MYRFL: variants seen among roughly 807,000 people sequenced by gnomAD.
MYRFL encodes myelin regulatory factor like.
Under a neutral mutation model 109.4 loss-of-function variants are expected in MYRFL, and 88 were observed. That is an observed-to-expected ratio of 0.80 (90% confidence interval 0.68 to 0.96). The LOEUF (loss-of-function observed/expected upper bound fraction) is 0.96, where lower values mean the gene tolerates loss of function less well. Among genes scored for constraint, MYRFL ranks in the 40% least tolerant of loss-of-function variants. The pLI, the probability that MYRFL is intolerant of heterozygous loss-of-function variation, is 0.00. For synonymous variants in MYRFL, 324 were observed against 320.9 expected, an observed-to-expected ratio of 1.01 and a Z score of -0.10; for missense variants, 957 against 954.9, an observed-to-expected ratio of 1.00 and a Z score of -0.03.
chr12:69,917,383 CTTTTTT>C (rs56118035), intron 13 of MYRFL, among the ~76,000 whole-genome samples: 23,257 of 102,452 alleles, frequency 0.23, 1,919 homozygotes, highest in Middle Eastern at 0.38. Flanking sequence ...TATTCACTGA[CTTTTTT>C]TTTTTTTTTT....
intron 16 of MYRFL, among the ~76,000 whole-genome samples, chr12:69,933,281 T>G (rs1566035938): frequency 6.6e-6 from 1 of 152,326 alleles, no homozygotes; most frequent in East Asian, 1.9e-4. Flanking sequence ...GCTGCTATGA[T>G]TCCCCTCCCC....
intron 19 of MYRFL, among the ~76,000 whole-genome samples, chr12:69,942,688 C>T (rs978490684): frequency 1.6e-4 from 25 of 151,676 alleles, no homozygotes; most frequent in Non-Finnish European, 2.6e-4. Context: ...CTGGCCAGGG[C>T]AATTAGGCAG....
chr12:69,952,552 A>G (rs917866619), intron 20 of MYRFL, among the ~76,000 whole-genome samples: 1 of 152,170 alleles, frequency 6.6e-6, no homozygotes, highest in African/African-American at 2.4e-5. Flanking sequence ...AATTCTTTTG[A>G]ATGTTATAGG....
chr12:69,937,784 G>A (rs1157143188), intron 19 of MYRFL, among the ~76,000 whole-genome samples: 1 of 152,182 alleles, frequency 6.6e-6, no homozygotes, highest in Admixed American at 6.5e-5. Context: ...ATGTTGGGGT[G>A]CAATGTAATT....
chr12:69,853,052 C>T (rs1026128362), intron 1 of MYRFL, among the ~76,000 whole-genome samples: 1 of 152,222 alleles, frequency 6.6e-6, no homozygotes, highest in Admixed American at 6.5e-5. Context: ...TTTTTCTGTT[C>T]GACAAAACCA....
chr12:69,881,127 G>GTTTA (rs1050242000), intron 5 of MYRFL, among the ~76,000 whole-genome samples: 3 of 151,494 alleles, frequency 2.0e-5, no homozygotes, highest in African/African-American at 7.3e-5. Context: ...GTTTCTGTTT[G>GTTTA]TTTGTTTGTT....
intron 1 of MYRFL, among the ~76,000 whole-genome samples, chr12:69,839,367 A>G (rs1055028979): frequency 6.6e-6 from 1 of 152,200 alleles, no homozygotes; most frequent in Non-Finnish European, 1.5e-5. Context: ...CTATTTCCAA[A>G]TGAAGACTAA....
In MYRFL at chr12:69,915,821, C is replaced by G. The variant is rs142137522; in HGVS notation, c.1602+4891C>G. ...GCCTTTTCTGCTTGTTCATCTATCTCTTTATTTGGCAATTTTATTTGTTTC... is the reference window on the plus strand; with the variant it reads ...GCCTTTTCTGCTTGTTCATCTATCTGTTTATTTGGCAATTTTATTTGTTTC... On this transcript the variant is annotated intron_variant, in intron 13 of 24. Coordinates refer to ENST00000552032, the MANE Select transcript of MYRFL (RefSeq NM_182530.3). Among the ~76,000 whole-genome samples the G allele has an allele frequency of 2.8e-3, 432 of 152,008 alleles. 1 individual carries two copies. The highest frequency in any genetic ancestry group is 9.4e-3 in the African/African-American group (390 of 41,454).
In MYRFL at chr12:69,932,434, C is replaced by CTGG. The variant is rs554454624; in HGVS notation, c.1831-78_1831-76dup. The CTGG allele has an allele frequency of 1.8e-4, 163 of 922,186 alleles. No homozygotes were observed. In the East Asian group the frequency reaches 3.8e-3, roughly 21 times the overall value. The allele number at this position is 922,186 out of a possible 1,614,324, so 57.1% of individuals were successfully genotyped here. On this transcript the variant is annotated intron_variant, in intron 15 of 24. Coordinates refer to ENST00000552032, the MANE Select transcript of MYRFL (RefSeq NM_182530.3). ...CCCAAGAGAGCAGCAAATACCCCTG[C>CTGG]TGGGAGCAGTTCTCCAGGCTCCCTT...
At position 69,840,246 on chromosome 12, in the gene MYRFL, A is replaced by G. The variant is rs184873548; in HGVS notation, c.46+14683A>G. Among the ~76,000 whole-genome samples the G allele has an allele frequency of 1.4e-4, 21 of 152,294 alleles. No individual in the cohort carries two copies. In the East Asian group the frequency reaches 3.7e-3, roughly 27 times the overall value. On this transcript the variant is annotated intron_variant, in intron 1 of 24. Coordinates refer to ENST00000552032, the MANE Select transcript of MYRFL (RefSeq NM_182530.3). ...AATGTATGTCCAGTTTGCCTTCTCT[A>G]TATTTTTCCGAATTACAAATAACAT...
chr12:69,862,553 C>G (rs916632980), intron 2 of MYRFL, among the ~76,000 whole-genome samples: 3 of 149,550 alleles, frequency 2.0e-5, no homozygotes, highest in African/African-American at 7.3e-5. Flanking sequence ...CTCCGTTTGT[C>G]TGTTGTTGGT....
At chr12:69,909,539 A>C (rs957861003) in intron 11 of MYRFL, among the ~76,000 whole-genome samples, 2 of 152,282 alleles carry the variant, frequency 1.3e-5, no homozygotes, top group African/African-American at 4.8e-5. Context: ...CTTTTTTGTC[A>C]GATAAAGATA....
At chr12:69,849,313 C>T (rs1424451793) in intron 1 of MYRFL, among the ~76,000 whole-genome samples, 3 of 152,148 alleles carry the variant, frequency 2.0e-5, no homozygotes, top group Non-Finnish European at 4.4e-5. Context: ...TACTATTTTA[C>T]CTTTGATATA....
At chr12:69,943,377 C>T (rs866787713) in intron 19 of MYRFL, among the ~76,000 whole-genome samples, 131 of 146,246 alleles carry the variant, frequency 9.0e-4, no homozygotes, top group African/African-American at 3.1e-3. Context: ...GAAATAACGC[C>T]GCATATCTAC....
intron 13 of MYRFL, among the ~76,000 whole-genome samples, chr12:69,912,349 A>G (rs1227937777): frequency 6.6e-6 from 1 of 152,218 alleles, no homozygotes; most frequent in Non-Finnish European, 1.5e-5. Flanking sequence ...ATTTTTAAGC[A>G]TACAAGTCAT....
intron 11 of MYRFL, chr12:69,904,074 G>A (rs1465317145): frequency 6.7e-6 from 3 of 445,336 alleles, no homozygotes; most frequent in Admixed American, 7.5e-5. Flanking sequence ...AGTGGGCAAA[G>A]ACAGCATGTC....
intron 10 of MYRFL, among the ~76,000 whole-genome samples, chr12:69,898,024 AG>A (rs1415077444): frequency 3.3e-5 from 5 of 152,348 alleles, no homozygotes; most frequent in African/African-American, 1.2e-4. Context: ...AGGTAGCCAC[AG>A]GCCTGGAAGC....
In MYRFL at chr12:69,949,473, G is replaced by A. The variant is rs148395375; in HGVS notation, c.2225-2640G>A. 2.4e-3 allele frequency among the ~76,000 whole-genome samples: 359 copies of A among 152,250 alleles called. No individual in the cohort carries two copies. The Middle Eastern group carries it at 0.027, about 12-fold the overall frequency. ...GGCTCCCTCCCTGCAAGCCTGCTCT[G>A]GCCCCACACCAGCAGCCTGATTCCT... On this transcript the variant is annotated intron_variant, in intron 19 of 24. Coordinates refer to ENST00000552032, the MANE Select transcript of MYRFL (RefSeq NM_182530.3).
chr12:69,858,538 A>T (rs1884437376), intron 2 of MYRFL, among the ~76,000 whole-genome samples: 1 of 151,946 alleles, frequency 6.6e-6, no homozygotes, highest in African/African-American at 2.4e-5. Context: ...AGGGCTATTT[A>T]TGGTATCTCA....
Sources: gnomAD v4.1 joint callset for allele counts (sites outside exome capture counted in the v4.1 genomes callset) on GRCh38, gnomAD v4.1.1 for gene constraint, MANE v1.5 for transcripts, NCBI Gene and HGNC (gene_info 2026-07-23, HGNC 2026-07-21) for gene names.